Variants in CELF4 observed in about 807,000 individuals in gnomAD.
CELF4 encodes CUGBP Elav-like family member 4.
A neutral mutation model predicts 59.9 loss-of-function variants in CELF4; 18 were observed. The ratio of observed to expected loss-of-function variants is 0.30; its 90% confidence interval spans 0.21 to 0.45. CELF4 has a LOEUF of 0.45. Ranked by LOEUF, CELF4 falls within the 20% of genes least tolerant of loss-of-function variation. CELF4 has a pLI of 1.00. For missense variants in CELF4, 456 were observed against 689.0 expected, an observed-to-expected ratio of 0.66 and a Z score of 3.79; for synonymous variants, 261 against 267.1, an observed-to-expected ratio of 0.98 and a Z score of 0.22.
chr18:37,480,797 G>C (rs1247368539), intron 2 of CELF4, among the ~76,000 whole-genome samples: 1 of 152,038 alleles, frequency 6.6e-6, no homozygotes, highest in East Asian at 1.9e-4. Flanking sequence ...GAGAGAGATA[G>C]AGGAAAATGG....
chr18:37,293,513 A>G (rs565971415), intron 3 of CELF4, among the ~76,000 whole-genome samples: 55 of 152,156 alleles, frequency 3.6e-4, no homozygotes, highest in African/African-American at 1.2e-3. Flanking sequence ...CCTCATTTTA[A>G]CTTGATTACA....
rs1408386230 is a variant in CELF4 at position 37,538,132 on chromosome 18, G to T, written c.286+27224C>A. The stretch of plus-strand genomic sequence containing the variant: ...GACCTTCCGGGAGGCCAGAGGGATG[G>T]CGGGGTGGGAGGGCGGCCTCCTCAT... On this transcript the variant is annotated intron_variant, in intron 1 of 12. Coordinates refer to ENST00000420428, the MANE Select transcript of CELF4 (RefSeq NM_020180.4). Among the ~76,000 whole-genome samples, 3 of 152,232 alleles carry T rather than the reference G, an allele frequency of 2.0e-5. No homozygotes were observed. The East Asian group carries it at 5.8e-4, about 29-fold the overall frequency.
intron 3 of CELF4, among the ~76,000 whole-genome samples, chr18:37,314,961 C>G (rs1039123913): frequency 6.6e-6 from 1 of 152,144 alleles, no homozygotes; most frequent in African/African-American, 2.4e-5. Flanking sequence ...AGTGTGTTGT[C>G]GGCCGGTGGT....
At chr18:37,453,034 A>G (rs974765589) in intron 2 of CELF4, among the ~76,000 whole-genome samples, 6 of 152,198 alleles carry the variant, frequency 3.9e-5, no homozygotes, top group African/African-American at 4.8e-5. Flanking sequence ...CACCACCCCC[A>G]GCTGCCCCTC....
intron 1 of CELF4, among the ~76,000 whole-genome samples, chr18:37,536,829 G>A (rs926950188): frequency 6.6e-6 from 1 of 152,154 alleles, no homozygotes; most frequent in African/African-American, 2.4e-5. Flanking sequence ...AAGCTCCCAG[G>A]CCTGGAGGGA....
Position 37,545,753 on chromosome 18 carries a change from T to TACAC in CELF4, c.286+19599_286+19602dup, listed in dbSNP as rs146431291. 9.0e-3 allele frequency among the ~76,000 whole-genome samples: 1,346 copies of TACAC among 149,406 alleles called. 11 individuals carry two copies. The highest frequency in any genetic ancestry group is 0.011 in the African/African-American group (436 of 40,858). On this transcript the variant is annotated intron_variant, in intron 1 of 12. Transcript: ENST00000420428. ...ACTCTCATATGCGTGTGTGTGGGCA[T>TACAC]ACACACACACACACACACACACGGC...
chr18:37,529,957 C>T (rs2099967776), intron 1 of CELF4, among the ~76,000 whole-genome samples: 1 of 152,164 alleles, frequency 6.6e-6, no homozygotes, highest in African/African-American at 2.4e-5. Flanking sequence ...TTGTTTTGCA[C>T]ACAAAACCAC....
At position 37,253,957 on chromosome 18, in the gene CELF4, C is replaced by T; in HGVS notation, c.1334-19G>A. On this transcript the variant is annotated intron_variant, in intron 11 of 12. Transcript: ENST00000420428. This position sits in a 1 kb window ranked among gnomAD's most constrained non-coding sequence, Gnocchi z 4.5. Reference sequence around the variant, plus strand: ...ACGAAGCCTGGCGAGACACGAGGGACGAGGGCCTGGGTTTCCACGGGGCCG... The same window carrying T: ...ACGAAGCCTGGCGAGACACGAGGGATGAGGGCCTGGGTTTCCACGGGGCCG... 6.7e-7 allele frequency: 1 copy of T among 1,503,224 alleles called. No homozygotes were observed. The highest frequency in any genetic ancestry group is 9.0e-7 in the Non-Finnish European group (1 of 1,114,338). The allele number at this position is 1,503,224 out of a possible 1,614,324, so 93.1% of individuals were successfully genotyped here. A position where few individuals can be genotyped will look rare whatever the true frequency, so the allele number is the denominator to read the frequency against.
chr18:37,320,804 C>A (rs1471265523), intron 3 of CELF4, among the ~76,000 whole-genome samples: 1 of 152,092 alleles, frequency 6.6e-6, no homozygotes, highest in African/African-American at 2.4e-5. Context: ...GAAGAGGGCA[C>A]CTGGCAGGGG....
chr18:37,456,730 T>C (rs1281822504), intron 2 of CELF4, among the ~76,000 whole-genome samples: 1 of 152,118 alleles, frequency 6.6e-6, no homozygotes, highest in Non-Finnish European at 1.5e-5. Context: ...GCCTGTACCC[T>C]CCTGCGGATG....
At chr18:37,474,810 C>G (rs1172444437) in intron 2 of CELF4, among the ~76,000 whole-genome samples, 2 of 152,224 alleles carry the variant, frequency 1.3e-5, no homozygotes, top group Non-Finnish European at 2.9e-5. Flanking sequence ...GTGTCCTGCC[C>G]ATGACCCCTT....
intron 3 of CELF4, among the ~76,000 whole-genome samples, chr18:37,319,864 G>T (rs1016990377): frequency 2.2e-4 from 33 of 152,214 alleles, no homozygotes; most frequent in Non-Finnish European, 1.0e-4. Flanking sequence ...AGAGCCCAGG[G>T]TGTGGCAGGG....
At chr18:37,474,353 G>A (rs2099842707) in intron 2 of CELF4, among the ~76,000 whole-genome samples, 1 of 152,238 alleles carries the variant, frequency 6.6e-6, no homozygotes, top group South Asian at 2.1e-4. Flanking sequence ...GGTGTGTGGT[G>A]ACACCTCGAG....
At chr18:37,361,371 T>C (rs1483625321) in intron 2 of CELF4, among the ~76,000 whole-genome samples, 1 of 152,204 alleles carries the variant, frequency 6.6e-6, no homozygotes, top group Non-Finnish European at 1.5e-5. Context: ...TGCATCCAGC[T>C]GCCTGACGGG....
At position 37,400,656 on chromosome 18, in the gene CELF4, C is replaced by T. The variant is rs539899175; in HGVS notation, c.370-78775G>A. 5.3e-5 allele frequency among the ~76,000 whole-genome samples: 8 copies of T among 152,304 alleles called. No homozygotes were observed. In the Middle Eastern group the frequency reaches 0.01, roughly 194 times the overall value. On this transcript the variant is annotated intron_variant, in intron 2 of 12. Transcript: ENST00000420428. ...AACTGCCCAGTCCAGCTTCCCACAC[C>T]AGGCTTTGTGTTCTCAACCCAGCCT...
chr18:37,290,275 T>C (rs1184300725), intron 3 of CELF4, among the ~76,000 whole-genome samples: 3 of 152,212 alleles, frequency 2.0e-5, no homozygotes, highest in African/African-American at 7.2e-5. Flanking sequence ...TCAAGCTTTG[T>C]CTGCTGGCTG....
chr18:37,512,631 T>A (rs1171548358), intron 1 of CELF4, among the ~76,000 whole-genome samples: 3 of 151,676 alleles, frequency 2.0e-5, no homozygotes, highest in African/African-American at 7.3e-5. Context: ...CTCCTCTTTG[T>A]CCTCTTCTTC....
chr18:37,267,070 G>C (rs1212279658), intron 8 of CELF4, among the ~76,000 whole-genome samples: 2 of 152,230 alleles, frequency 1.3e-5, no homozygotes. Flanking sequence ...GGGCCACTGT[G>C]CCTGCTCACA....
chr18:37,443,757 G>C (rs888695789), intron 2 of CELF4, among the ~76,000 whole-genome samples: 1 of 152,100 alleles, frequency 6.6e-6, no homozygotes, highest in Non-Finnish European at 1.5e-5. Flanking sequence ...TCACTGACAT[G>C]GAATCCTGAG....
Sources: gnomAD v4.1 joint callset for allele counts (sites outside exome capture counted in the v4.1 genomes callset) on GRCh38, gnomAD v4.1.1 for gene constraint, Gnocchi (gnomAD v3.1) non-coding constraint, MANE v1.5 for transcripts, NCBI Gene and HGNC (gene_info 2026-07-23, HGNC 2026-07-21) for gene names.